Variants in FERMT1 observed in about 807,000 individuals in gnomAD.
FERMT1 encodes FERM domain containing kindlin 1.
In FERMT1, 60 loss-of-function variants were observed where a neutral mutation model predicts 85.3. That is an observed-to-expected ratio of 0.70 (90% CI 0.57 to 0.87). The LOEUF (loss-of-function observed/expected upper bound fraction) is 0.87. Among genes scored for constraint, FERMT1 ranks in the 40% least tolerant of loss-of-function variants. FERMT1 has a pLI of 0.00. For missense variants in FERMT1, 701 were observed against 818.9 expected (o/e 0.86, Z 1.76); for synonymous variants, 275 against 301.1 (o/e 0.91, Z 0.90).
intron 2 of FERMT1, among the ~76,000 whole-genome samples, chr20:6,116,978 CAGA>C (rs943739275): frequency 6.6e-6 from 1 of 152,176 alleles, no homozygotes; most frequent in African/African-American, 2.4e-5. Context: ...AAAGTCCACA[CAGA>C]AGTACTGTAC....
At chr20:6,118,997 G>C (rs1218858460) in intron 2 of FERMT1, among the ~76,000 whole-genome samples, 1 of 150,712 alleles carries the variant, frequency 6.6e-6, no homozygotes, top group Non-Finnish European at 1.5e-5. Flanking sequence ...ACCCAAGCTG[G>C]AGTGCAGTGG....
At chr20:6,114,969 T>C (rs928966961) in intron 3 of FERMT1, among the ~76,000 whole-genome samples, 3 of 152,242 alleles carry the variant, frequency 2.0e-5, no homozygotes, top group African/African-American at 7.2e-5. Flanking sequence ...GCAGGGATTT[T>C]AGCTCTGTAT....
chr20:6,097,659 TA>T (rs754344215), intron 6 of FERMT1, 28 bp from the exon 7 acceptor site: 4 of 1,397,760 alleles, frequency 2.9e-6, no homozygotes, highest in East Asian at 4.6e-5. Context: ...GGTGTGTGTG[TA>T]ATGAGGTATA....
At chr20:6,102,766 T>G (rs1476477263) in intron 6 of FERMT1, among the ~76,000 whole-genome samples, 1 of 149,812 alleles carries the variant, frequency 6.7e-6, no homozygotes, top group Admixed American at 6.7e-5. Flanking sequence ...ACTCCTTCAC[T>G]CCTTGAATCC....
intron 13 of FERMT1, among the ~76,000 whole-genome samples, chr20:6,081,539 A>G (rs1394093238): frequency 6.6e-6 from 1 of 152,124 alleles, no homozygotes; most frequent in Non-Finnish European, 1.5e-5. Context: ...GGTGGCCAAG[A>G]GGTGACCTTG....
In FERMT1 at chr20:6,085,293, G is replaced by C; in HGVS notation, c.1372-6C>G. The C allele has an allele frequency of 6.2e-7, 1 of 1,612,702 alleles. No individual in the cohort carries two copies. The highest frequency in any genetic ancestry group is 8.5e-7 in the Non-Finnish European group (1 of 1,179,786). On this transcript the variant is annotated splice_polypyrimidine_tract_variant and splice_region_variant and intron_variant, in intron 11 of 14. Coordinates refer to ENST00000217289, the MANE Select transcript of FERMT1 (RefSeq NM_017671.5). ...CATTGGGCGTATTGATTCTCCTGCA[G>C]CAAACAGAAGGTTGAGAAGCAAGCT...
At chr20:6,108,982 A>C (rs1166709284) in intron 5 of FERMT1, among the ~76,000 whole-genome samples, 3 of 152,190 alleles carry the variant, frequency 2.0e-5, no homozygotes, top group Non-Finnish European at 4.4e-5. Context: ...GTGCTGTCTG[A>C]TGCATTAGCC....
Position 6,119,509 on chromosome 20 carries a change from C to T in FERMT1, c.46G>A (p.Val16Ile), listed in dbSNP as rs1193606562. ...DFTFASWELV[V>I]RVDHPNEEQQ... ...TCTTCATTGGGATGGTCAACGCGGA[C>T]CACAAGCTCCCAGGAAGCAAATGTA... The change falls in exon 2 of 15, where the codon GTC (valine) becomes ATC (isoleucine). Residue 16 changes from valine to isoleucine, a missense_variant. Coordinates refer to ENST00000217289, the MANE Select transcript of FERMT1 (RefSeq NM_017671.5). The T allele has an allele frequency of 6.2e-7, 1 of 1,614,174 alleles. No individual in the cohort carries two copies. The highest frequency in any genetic ancestry group is 2.2e-5 in the East Asian group (1 of 44,884).
intron 9 of FERMT1, among the ~76,000 whole-genome samples, chr20:6,090,820 CATT>C (rs1039548472): frequency 2.0e-5 from 3 of 151,998 alleles, no homozygotes; most frequent in African/African-American, 7.3e-5. Context: ...ATTTGAAAAA[CATT>C]ATATGAACTT....
chr20:6,121,868 T>C (rs1983285623), intron 1 of FERMT1, among the ~76,000 whole-genome samples: 1 of 152,244 alleles, frequency 6.6e-6, no homozygotes, highest in African/African-American at 2.4e-5. Flanking sequence ...TCAGTAGCCT[T>C]TACTAAGCAT....
rs1237569168 is a variant in FERMT1 at position 6,087,782 on chromosome 20, C to T, written c.1366G>A (p.Asp456Asn). 8.3e-6 allele frequency: 13 copies of T among 1,567,902 alleles called. No individual in the cohort carries two copies. Among genetic ancestry groups the T allele is most frequent in the Non-Finnish European group, 1.1e-5 (13 of 1,138,028 alleles). Residue 456 changes from aspartate to asparagine, a missense_variant, in exon 11 of 15, where the codon GAC becomes AAC. Transcript: ENST00000217289. ...ATTTTTGGGGTTTTACTCACATGGT[C>T]ACATCTCAAATACATTTCATTCATA... is the stretch of plus-strand genomic sequence containing the variant. ...DGMNEMYLRC[D>N]HENQYAQWMA...
rs1170239648 is a variant in FERMT1, at chr20:6,076,861, C to T, written c.*312G>A. On this transcript the variant is annotated 3_prime_UTR_variant, in exon 15 of 15. Transcript: ENST00000217289. The stretch of plus-strand genomic sequence containing the variant: ...CACGAGGATAACTTGTAGCCATACA[C>T]CTGGCAGGTTCTGCAAGTCAGAGAA... 2.9e-5 allele frequency: 13 copies of T among 452,366 alleles called. No individual in the cohort carries two copies. Among genetic ancestry groups the T allele is most frequent in the Non-Finnish European group, 4.5e-5 (11 of 244,940 alleles). 28.0% of individuals were successfully genotyped at this position (452,366 alleles called of 1,614,324 possible). A position where few individuals can be genotyped will look rare whatever the true frequency, so the allele number is the denominator to read the frequency against.
At chr20:6,106,491 C>T (rs1328292992) in intron 6 of FERMT1, among the ~76,000 whole-genome samples, 3 of 152,162 alleles carry the variant, frequency 2.0e-5, no homozygotes, top group Non-Finnish European at 4.4e-5. Context: ...AAAAGAGCAA[C>T]AGGCACAAAA....
At position 6,107,533 on chromosome 20, in the gene FERMT1, T is replaced by G. The variant is rs1287235864; in HGVS notation, c.848A>C (p.Lys283Thr). The G allele has an allele frequency of 6.3e-7, 1 of 1,596,038 alleles. No individual in the cohort carries two copies. Among genetic ancestry groups the G allele is most frequent in the East Asian group, 2.2e-5 (1 of 44,694 alleles). Reference sequence around the variant, plus strand: ...GACAAAAGAGAAAAAGTTGCTTACTTTAGGATTCAAGTCGAAGAAAGAATA... The same window carrying G: ...GACAAAAGAGAAAAAGTTGCTTACTGTAGGATTCAAGTCGAAGAAAGAATA... ...KYYSFFDLNP[K>T]YDAVRINQLY... is the part of the protein sequence containing the mutation. The change falls in exon 6 of 15, where the codon AAA (lysine) becomes ACA (threonine). Residue 283 changes from lysine to threonine, a missense_variant and splice_region_variant. Coordinates refer to ENST00000217289, the MANE Select transcript of FERMT1 (RefSeq NM_017671.5).
Position 6,119,483 on chromosome 20 carries a change from C to T in FERMT1, c.72G>A (p.Glu24=), listed in dbSNP as rs1983204513. ...CTCTCAGTGTGACGTCTTTCTGCTG[C>T]TCTTCATTGGGATGGTCAACGCGGA... The part of the protein sequence containing the change: ...LVVRVDHPNE[E]QQKDVTLRVS... The change falls in exon 2 of 15, where the codon GAG becomes GAA. Residue 24 remains glutamate, a synonymous_variant. Transcript: ENST00000217289. 6.2e-7 allele frequency: 1 copy of T among 1,614,152 alleles called. No individual in the cohort carries two copies. The highest frequency in any genetic ancestry group is 8.5e-7 in the Non-Finnish European group (1 of 1,180,000).
chr20:6,089,176 T>C, intron 9 of FERMT1, 87 bp from the exon 10 acceptor site: 2 of 1,355,562 alleles, frequency 1.5e-6, no homozygotes, highest in Admixed American at 3.5e-5. Context: ...GATCAGATGT[T>C]TGTGTCAAAG....
At chr20:6,121,077 T>G (rs1486096770) in intron 1 of FERMT1, among the ~76,000 whole-genome samples, 1 of 152,144 alleles carries the variant, frequency 6.6e-6, no homozygotes, top group Non-Finnish European at 1.5e-5. Flanking sequence ...ATTTTATGGG[T>G]GAGGATGAAA....
chr20:6,090,754 C>T (rs1332262502), intron 9 of FERMT1, among the ~76,000 whole-genome samples: 1 of 151,936 alleles, frequency 6.6e-6, no homozygotes, highest in East Asian at 1.9e-4. Context: ...TTTAAAAACC[C>T]AGCAAAACCC....
chr20:6,079,393 C>T (rs776854330), intron 14 of FERMT1, 43 bp downstream of exon 14: 1 of 1,607,072 alleles, frequency 6.2e-7, no homozygotes, highest in East Asian at 2.2e-5. Flanking sequence ...GAGGGACACA[C>T]ATTTATAGGC....
Sources: gnomAD v4.1 joint callset for allele counts (sites outside exome capture counted in the v4.1 genomes callset) on GRCh38, gnomAD v4.1.1 for gene constraint, MANE v1.5 for transcripts, NCBI Gene and HGNC (gene_info 2026-07-23, HGNC 2026-07-21) for gene names.